The following PCLO variants were observed in gnomAD, a reference collection of about 807,000 sequenced individuals.
PCLO encodes the protein protein piccolo.
PCLO carries 82 observed loss-of-function variants against 427.5 expected under a neutral mutation model. The observed-to-expected ratio is 0.19, with a 90% CI of 0.16 to 0.23. PCLO has a LOEUF of 0.23. Among genes scored for constraint, PCLO ranks in the 10% least tolerant of loss-of-function variants. The probability of loss-of-function intolerance (pLI) is 1.00; values close to 1 mark genes in which losing one functional copy is unlikely to be tolerated. For synonymous variants in PCLO, 2,357 were observed against 2,155.4 expected (o/e 1.09, Z -2.59); for missense variants, 6,239 against 6,115.9 (o/e 1.02, Z -0.67).
At chr7:83,148,424 T>G (rs1792047977) in intron 2 of PCLO, among the ~76,000 whole-genome samples, 1 of 152,208 alleles carries the variant, frequency 6.6e-6, no homozygotes, top group African/African-American at 2.4e-5. Flanking sequence ...ACATGCTCCA[T>G]AAGGGAAGGA....
intron 4 of PCLO, among the ~76,000 whole-genome samples, chr7:82,958,021 C>G (rs1795568239): frequency 6.6e-6 from 1 of 152,056 alleles, no homozygotes; most frequent in Non-Finnish European, 1.5e-5. Flanking sequence ...TATATATGAG[C>G]AAAATAAAAC....
At chr7:82,874,464 G>C (rs867578264) in intron 10 of PCLO, among the ~76,000 whole-genome samples, 1 of 152,234 alleles carries the variant, frequency 6.6e-6, no homozygotes, top group Non-Finnish European at 1.5e-5. Flanking sequence ...GTTTCCCTTC[G>C]TCATGAGATC....
intron 6 of PCLO, among the ~76,000 whole-genome samples, chr7:82,917,222 G>A (rs1255337220): frequency 8.6e-5 from 13 of 152,036 alleles, no homozygotes; most frequent in Admixed American, 7.9e-4. Flanking sequence ...CATTCACCAA[G>A]TTAATGCGCC....
chr7:82,862,632 AG>A (rs1792989030), intron 10 of PCLO, among the ~76,000 whole-genome samples: 1 of 151,918 alleles, frequency 6.6e-6, no homozygotes, highest in Non-Finnish European at 1.5e-5. Flanking sequence ...GAATGAATAA[AG>A]AAAAGGTGAC....
intron 22 of PCLO, among the ~76,000 whole-genome samples, chr7:82,780,678 G>T (rs113602137): frequency 2.6e-5 from 4 of 152,294 alleles, no homozygotes; most frequent in African/African-American, 9.6e-5. Context: ...CTCGCGAGTG[G>T]CTTATTTGTT....
At chr7:82,984,482 G>GA (rs369905306) in intron 3 of PCLO, among the ~76,000 whole-genome samples, 1 of 150,152 alleles carries the variant, frequency 6.7e-6, no homozygotes, top group Non-Finnish European at 1.5e-5. Flanking sequence ...TTAAAAGGGG[G>GA]AAAAATAAGC....
chr7:82,785,411 A>G (rs1790964888), intron 22 of PCLO, among the ~76,000 whole-genome samples: 1 of 152,200 alleles, frequency 6.6e-6, no homozygotes, highest in Admixed American at 6.5e-5. Flanking sequence ...CTAACAGGCC[A>G]CAGACCAATA....
chr7:82,890,346 A>G (rs1793728391), intron 9 of PCLO, among the ~76,000 whole-genome samples: 2 of 152,060 alleles, frequency 1.3e-5, no homozygotes, highest in African/African-American at 2.4e-5. Flanking sequence ...TTTTCAATAT[A>G]TAGTTTCATG....
chr7:82,966,054 T>G lies in PCLO; in HGVS notation c.3734A>C (p.Asp1245Ala). ...TTTTGCCTCTGGGAGTAGCTTTTTGTCTTCAGGGGTTGGCTTTTTTTCTTC... is the reference window on the plus strand; with the variant it reads ...TTTTGCCTCTGGGAGTAGCTTTTTGGCTTCAGGGGTTGGCTTTTTTTCTTC... Reference protein sequence around the residue: ...LLEEKKPTPEDKKLLPEAKTS... With the variant: ...LLEEKKPTPEAKKLLPEAKTS... The change falls in exon 4 of 25, where the codon GAC (aspartate) becomes GCC (alanine). Residue 1245 changes from aspartate to alanine, a missense_variant. By Grantham distance (126) the Asp-to-Ala change is moderately radical. Transcript: ENST00000333891. 6.2e-7 allele frequency: 1 copy of G among 1,613,368 alleles called. No homozygotes were observed. Among genetic ancestry groups the G allele is most frequent in the Non-Finnish European group, 8.5e-7 (1 of 1,179,774 alleles).
chr7:83,083,508 T>A (rs1302691384), intron 3 of PCLO, among the ~76,000 whole-genome samples: 2 of 152,054 alleles, frequency 1.3e-5, no homozygotes, highest in African/African-American at 4.8e-5. Context: ...GCATAGTATA[T>A]GCAAAATTAA....
At chr7:83,087,323 G>T (rs1419232859) in intron 3 of PCLO, among the ~76,000 whole-genome samples, 1 of 151,892 alleles carries the variant, frequency 6.6e-6, no homozygotes, top group Non-Finnish European at 1.5e-5. Flanking sequence ...GGAGGAGGGC[G>T]ACAGATTAAA....
At chr7:83,074,057 T>C (rs1257522789) in intron 3 of PCLO, among the ~76,000 whole-genome samples, 1 of 152,018 alleles carries the variant, frequency 6.6e-6, no homozygotes, top group Non-Finnish European at 1.5e-5. Flanking sequence ...AAGAACCTTA[T>C]CTTTCTAGTA....
chr7:83,088,494 G>C (rs1283217542), intron 3 of PCLO, among the ~76,000 whole-genome samples: 1 of 152,138 alleles, frequency 6.6e-6, no homozygotes, highest in Non-Finnish European at 1.5e-5. Context: ...CCACTTCATT[G>C]TTTCTATCGA....
At chr7:82,970,455 T>C (rs1243814487) in intron 3 of PCLO, among the ~76,000 whole-genome samples, 2 of 151,926 alleles carry the variant, frequency 1.3e-5, no homozygotes, top group African/African-American at 4.8e-5. Flanking sequence ...ATGGAATGAA[T>C]ACAACAAGAT....
intron 3 of PCLO, among the ~76,000 whole-genome samples, chr7:83,074,868 A>G (rs1199970911): frequency 1.3e-5 from 2 of 152,194 alleles, no homozygotes; most frequent in East Asian, 3.9e-4. Flanking sequence ...TAATGAAAGA[A>G]AAATTTCTTT....
At chr7:82,834,952 T>TTTGTTTGTTTG (rs1554338188) in intron 16 of PCLO, among the ~76,000 whole-genome samples, 1 of 126,754 alleles carries the variant, frequency 7.9e-6, no homozygotes, top group Non-Finnish European at 1.8e-5. Context: ...TTATCTTTTT[T>TTTGTTTGTTTG]TTTGTTTGTT....
In PCLO at chr7:83,155,804, G is replaced by C; in HGVS notation, c.837C>G (p.Ser279=). The C allele has an allele frequency of 6.2e-7, 1 of 1,613,864 alleles. No homozygotes were observed. The highest frequency in any genetic ancestry group is 8.5e-7 in the Non-Finnish European group (1 of 1,179,812). The change falls in exon 2 of 25, where the codon TCC becomes TCG. Residue 279 remains serine (S), a synonymous_variant. Transcript: ENST00000333891. The part of the protein sequence containing the change: ...HAKLPLQRDA[S]RPQTKQADIV... ...TGTCTGCCTGTTTAGTCTGAGGCCT[G>C]GATGCATCTCGTTGAAGTGGCAATT...
rs1795365203 is a variant in PCLO, at chr7:82,952,065, G to T, written c.8888C>A (p.Pro2963His). 1.2e-6 allele frequency: 2 copies of T among 1,613,798 alleles called. No individual in the cohort carries two copies. The highest frequency in any genetic ancestry group is 1.1e-5 in the South Asian group (1 of 91,086). ...ATCCCTATAACCAAAACGATCCTCA[G>T]GAAGAGTAGTTGCAGGCTGCTGTGC... ...CTAQQPATTL[P>H]EDRFGYRDDH... Residue 2963 changes from proline to histidine, a missense_variant, in exon 5 of 25, where the codon CCT (proline) becomes CAT (histidine). This residue lies in a region of PCLO where 4,677 missense variants were observed against 4,468.4 expected (regional missense o/e 1.05). Transcript: ENST00000333891.
chr7:83,024,629 C>A (rs1353541045), intron 3 of PCLO, among the ~76,000 whole-genome samples: 2 of 151,780 alleles, frequency 1.3e-5, no homozygotes, highest in Admixed American at 6.6e-5. Context: ...CTGCCTGCCT[C>A]TGTAGGCTCC....
Sources: gnomAD v4.1 joint callset for allele counts (sites outside exome capture counted in the v4.1 genomes callset) on GRCh38, gnomAD v4.1.1 for gene constraint, gnomAD v4.1.1 regional missense constraint, MANE v1.5 for transcripts, NCBI Gene and HGNC (gene_info 2026-07-23, HGNC 2026-07-21) for gene names.